The following CRYM variants were observed in gnomAD, a reference collection of about 807,000 sequenced individuals.
CRYM encodes the protein ketimine reductase mu-crystallin.
In CRYM, 18 loss-of-function variants were observed where a neutral mutation model predicts 32.9. The observed-to-expected ratio is 0.55, with a 90% confidence interval of 0.38 to 0.81. The LOEUF is 0.81. CRYM is among the 30% of genes least tolerant of loss of function. The pLI is 0.00. For synonymous variants in CRYM, 153 were observed against 152.4 expected (o/e 1.00, Z -0.03); for missense variants, 337 against 393.5 (o/e 0.86, Z 1.21).
At chr16:21,260,151 C>T (rs1185777060) in intron 7 of CRYM, among the ~76,000 whole-genome samples, 1 of 152,078 alleles carries the variant, frequency 6.6e-6, no homozygotes, top group Non-Finnish European at 1.5e-5. Context: ...TGATGCTCTG[C>T]CAGGCATTTA....
chr16:21,284,294 T>C (rs2093403816), intron 1 of CRYM, among the ~76,000 whole-genome samples: 1 of 152,162 alleles, frequency 6.6e-6, no homozygotes, highest in Non-Finnish European at 1.5e-5. Flanking sequence ...ATCGGGCTTT[T>C]CTTTTTCTTT....
At chr16:21,259,162 G>A (rs764048950) in intron 7 of CRYM, among the ~76,000 whole-genome samples, 9 of 151,264 alleles carry the variant, frequency 5.9e-5, no homozygotes, top group South Asian at 2.1e-4. Context: ...GCAGTGGCGC[G>A]ATTTTGGCTC....
chr16:21,269,944 T>TA lies in CRYM; in HGVS notation c.388-54dup, dbSNP rs1191661294. On this transcript the variant is annotated intron_variant, in intron 3 of 7. Coordinates refer to ENST00000572914, the MANE Select transcript of CRYM (RefSeq NM_001376256.1). Reference sequence around the variant, plus strand: ...GTCAAGGGAGACCCTAGCAGACGGGTAAAAAACTAAGATGGTTTGAGTATC... The same window carrying TA: ...GTCAAGGGAGACCCTAGCAGACGGGTAAAAAAACTAAGATGGTTTGAGTATC... The TA allele has an allele frequency of 2.4e-6, 3 of 1,256,148 alleles. No homozygotes were observed. In the African/African-American group the frequency reaches 4.4e-5, roughly 18 times the overall value. 77.8% of individuals were successfully genotyped at this position (1,256,148 alleles called of 1,614,324 possible). A position where few individuals can be genotyped will look rare whatever the true frequency, so the allele number is the denominator to read the frequency against.
intron 7 of CRYM, among the ~76,000 whole-genome samples, chr16:21,259,708 T>G (rs748655189): frequency 6.6e-6 from 1 of 152,248 alleles, no homozygotes; most frequent in African/African-American, 2.4e-5. Flanking sequence ...GCCCCAGGAC[T>G]GTAGTTTTCT....
chr16:21,301,438 G>C (rs1214506127), intron 1 of CRYM: 1 of 149,496 alleles, frequency 6.7e-6, no homozygotes, highest in Non-Finnish European at 1.5e-5. Flanking sequence ...AGGTGGGTGG[G>C]AGCATGAGAC....
In CRYM at chr16:21,258,616, C is replaced by T; in HGVS notation, c.*165G>A. 1.4e-6 allele frequency: 1 copy of T among 691,454 alleles called. No homozygotes were observed. The allele number at this position is 691,454 out of a possible 1,614,324, so 42.8% of individuals were successfully genotyped here. On this transcript the variant is annotated 3_prime_UTR_variant, in exon 8 of 8. Transcript: ENST00000572914. ...CAGAAGAAATGGCTACCTAGCTTTG[C>T]TTTCCAACTACAAACATAAATGAGG...
intron 1 of CRYM, among the ~76,000 whole-genome samples, chr16:21,284,670 T>C (rs931304449): frequency 2.0e-5 from 3 of 152,242 alleles, no homozygotes; most frequent in Non-Finnish European, 4.4e-5. Context: ...GTTTTCTTTA[T>C]CCAATCCACC....
chr16:21,294,090 G>A (rs77125704), intron 1 of CRYM, among the ~76,000 whole-genome samples: 2,527 of 152,298 alleles, frequency 0.017, 85 homozygotes, highest in East Asian at 0.079. Context: ...GAAACTGTCT[G>A]AACCAATTTT....
intron 1 of CRYM, among the ~76,000 whole-genome samples, chr16:21,296,746 C>T (rs1246641528): frequency 1.3e-5 from 2 of 152,232 alleles, no homozygotes; most frequent in Non-Finnish European, 2.9e-5. Context: ...GCCGGGGGCT[C>T]ACGCCTGTAA....
chr16:21,279,189 A>C (rs1329426209), upstream of CRYM, among the ~76,000 whole-genome samples: 2 of 152,244 alleles, frequency 1.3e-5, no homozygotes, highest in African/African-American at 2.4e-5. Context: ...TTTACTATGT[A>C]CCAGATACTG....
In CRYM at chr16:21,261,357, C is replaced by G; in HGVS notation, c.796-19G>C. The G allele has an allele frequency of 1.2e-6, 2 of 1,607,202 alleles. No individual in the cohort carries two copies. Among genetic ancestry groups the G allele is most frequent in the African/African-American group, 2.7e-5 (2 of 74,754 alleles). ...TCTCGGCCTAGGAAACAAACATACG[C>G]TGACCCAGGCATGAAGCTAAAGTCT... On this transcript the variant is annotated intron_variant, in intron 6 of 7. Coordinates refer to ENST00000572914, the MANE Select transcript of CRYM (RefSeq NM_001376256.1).
At chr16:21,272,058 T>C (rs907610920) in intron 3 of CRYM, among the ~76,000 whole-genome samples, 4 of 151,738 alleles carry the variant, frequency 2.6e-5, no homozygotes, top group East Asian at 3.9e-4. Flanking sequence ...AGATGGGGTT[T>C]CGCCATGTTG....
rs1329805437 is a variant in CRYM at position 21,301,601 on chromosome 16, G to A, written c.-193+1377C>T. On this transcript the variant is annotated intron_variant, in intron 1 of 9. Coordinates refer to the CRYM transcript ENST00000219599. The stretch of plus-strand genomic sequence containing the variant: ...CAAACTGGGGACTACACTCGTGGGC[G>A]CACGTGCGGAAGAGGGACTGAGGAG... Among the ~76,000 whole-genome samples the A allele has an allele frequency of 2.6e-5, 4 of 152,350 alleles. No individual in the cohort carries two copies. In the East Asian group the frequency reaches 7.7e-4, roughly 29 times the overall value.
At chr16:21,279,154 C>T (rs763963707), upstream of CRYM, among the ~76,000 whole-genome samples, 11 of 152,090 alleles carry the variant, frequency 7.2e-5, no homozygotes, top group Non-Finnish European at 1.5e-4. Flanking sequence ...GTGACGACAA[C>T]AATGATAACA....
chr16:21,297,070 T>C (rs1044003160), intron 1 of CRYM, among the ~76,000 whole-genome samples: 1 of 151,470 alleles, frequency 6.6e-6, no homozygotes, highest in Non-Finnish European at 1.5e-5. Flanking sequence ...GCAAGGTTTT[T>C]ACCTCCAGTC....
chr16:21,299,298 T>G (rs59928004), intron 1 of CRYM, among the ~76,000 whole-genome samples: 9,369 of 150,984 alleles, frequency 0.062, 696 homozygotes, highest in East Asian at 0.35. Flanking sequence ...GGCTTTTAGT[T>G]TTTTTTTTTA....
intron 1 of CRYM, among the ~76,000 whole-genome samples, chr16:21,291,471 AAACT>A (rs919072051): frequency 6.6e-6 from 1 of 152,280 alleles, no homozygotes; most frequent in Non-Finnish European, 1.5e-5. Context: ...CATTTTGAAA[AAACT>A]AAACCTTACA....
At chr16:21,261,009 C>T (rs1191140691) in intron 7 of CRYM, 2 of 575,656 alleles carry the variant, frequency 3.5e-6, no homozygotes, top group Admixed American at 2.8e-5. Context: ...CTGAGGCCTA[C>T]AGAGGTCAGA....
In CRYM at chr16:21,258,666, G is replaced by T; in HGVS notation, c.*115C>A. The T allele has an allele frequency of 4.4e-6, 4 of 913,426 alleles. No homozygotes were observed. Among genetic ancestry groups the T allele is most frequent in the Non-Finnish European group, 7.2e-6 (4 of 553,654 alleles). The allele number at this position is 913,426 out of a possible 1,614,324, so 56.6% of individuals were successfully genotyped here. A position where few individuals can be genotyped will look rare whatever the true frequency, so the allele number is the denominator to read the frequency against. On this transcript the variant is annotated 3_prime_UTR_variant, in exon 8 of 8. Transcript: ENST00000572914. ...GATCTCAGCATTTAAGGTAAAACAT[G>T]ATAAGCACAAAAGGAGAGTTCACTG...
Sources: allele counts gnomAD v4.1 joint callset (sites outside exome capture counted in the v4.1 genomes callset), GRCh38; gene constraint gnomAD v4.1.1; transcripts MANE v1.5; gene names NCBI Gene and HGNC (gene_info 2026-07-23, HGNC 2026-07-21).